Variants in UGCG observed in about 807,000 individuals in gnomAD.
UGCG encodes ceramide glucosyltransferase.
Under a neutral mutation model 49.5 loss-of-function variants are expected in UGCG, and 10 were observed. The ratio of observed to expected loss-of-function variants is 0.20; its 90% CI spans 0.12 to 0.34. UGCG has a LOEUF of 0.34. Ranked by LOEUF, UGCG falls within the 10% of genes least tolerant of loss-of-function variation. The probability of loss-of-function intolerance (pLI) is 1.00; values close to 1 mark genes in which losing one functional copy is unlikely to be tolerated. For synonymous variants in UGCG, 182 were observed against 158.2 expected, an observed-to-expected ratio of 1.15 and a Z score of -1.13; for missense variants, 312 against 483.7, an observed-to-expected ratio of 0.65 and a Z score of 3.33.
rs770243256 is a variant in UGCG at position 111,929,492 on chromosome 9, T to C, written c.559-8T>C. ...TCTAATCATACACGTTTGTGGTTTT[T>C]TGGGCAGGTATATTTTGGAACTTCA... is the stretch of plus-strand genomic sequence containing the variant. On this transcript the variant is annotated splice_region_variant and splice_polypyrimidine_tract_variant and intron_variant, in intron 5 of 8. Transcript: ENST00000374279. 2.2e-5 allele frequency: 35 copies of C among 1,604,296 alleles called. No homozygotes were observed. Among genetic ancestry groups the C allele is most frequent in the Non-Finnish European group, 2.6e-5 (30 of 1,175,156 alleles).
chr9:111,931,373 T>C lies in UGCG; in HGVS notation c.824+16T>C. On this transcript the variant is annotated intron_variant, in intron 7 of 8. Transcript: ENST00000374279. ...GAATGATCAGGTAAATCAACTGTTT[T>C]CTTTTTATACTTCGTTAAAAGGAAA... The C allele has an allele frequency of 6.2e-7, 1 of 1,611,894 alleles. No individual in the cohort carries two copies. Among genetic ancestry groups the C allele is most frequent in the Non-Finnish European group, 8.5e-7 (1 of 1,179,244 alleles).
chr9:111,929,758 A>C, intron 6 of UGCG, 80 bp downstream of exon 6: 1 of 1,493,224 alleles, frequency 6.7e-7, no homozygotes, highest in Non-Finnish European at 9.1e-7. Context: ...CCTATAGATT[A>C]GGGCTTTTTA....
chr9:111,902,750 T>C (rs546400245), intron 1 of UGCG, among the ~76,000 whole-genome samples: 2 of 152,218 alleles, frequency 1.3e-5, no homozygotes, highest in East Asian at 3.9e-4. Flanking sequence ...GGAATTCATA[T>C]TCTTCCTTAG....
At chr9:111,922,188 G>A (rs1838239993) in intron 2 of UGCG, among the ~76,000 whole-genome samples, 2 of 152,022 alleles carry the variant, frequency 1.3e-5, no homozygotes, top group Admixed American at 6.6e-5. Flanking sequence ...TCTAAACATA[G>A]CACTGGGCAA....
intron 1 of UGCG, among the ~76,000 whole-genome samples, chr9:111,900,040 G>C (rs1468967096): frequency 6.6e-6 from 1 of 151,996 alleles, no homozygotes; most frequent in African/African-American, 2.4e-5. Context: ...AAATTCAAGA[G>C]TCTTATTGTT....
chr9:111,906,508 C>T (rs1042340255), intron 1 of UGCG, among the ~76,000 whole-genome samples: 9 of 152,212 alleles, frequency 5.9e-5, no homozygotes, highest in African/African-American at 1.9e-4. Flanking sequence ...CGGCTCACCA[C>T]AACCTCTGCC....
chr9:111,921,612 C>T (rs1177577900), intron 2 of UGCG, among the ~76,000 whole-genome samples: 2 of 149,018 alleles, frequency 1.3e-5, no homozygotes, highest in Non-Finnish European at 3.0e-5. Context: ...GATCATGCCA[C>T]TGCACTCCAA....
At chr9:111,923,232 C>G (rs569804337) in intron 3 of UGCG, among the ~76,000 whole-genome samples, 1 of 151,838 alleles carries the variant, frequency 6.6e-6, no homozygotes, top group South Asian at 2.1e-4. Flanking sequence ...AATGTGTGGC[C>G]TTTTCTGTAT....
intron 2 of UGCG, 105 bp from the exon 3 acceptor site, chr9:111,922,744 A>T: frequency 1.5e-6 from 1 of 672,548 alleles, no homozygotes. Context: ...AACTTTGCAT[A>T]ATACAGTTGC....
chr9:111,902,456 G>A (rs1837793864), intron 1 of UGCG, among the ~76,000 whole-genome samples: 3 of 152,158 alleles, frequency 2.0e-5, no homozygotes, highest in Non-Finnish European at 4.4e-5. Flanking sequence ...GTAGTAAATT[G>A]GTCATGATAT....
At chr9:111,930,576 T>G (rs909846123) in intron 6 of UGCG, among the ~76,000 whole-genome samples, 17 of 151,436 alleles carry the variant, frequency 1.1e-4, no homozygotes, top group African/African-American at 4.1e-4. Flanking sequence ...CAAACGATTC[T>G]CCTGCCTCAG....
rs545339383 is a variant in UGCG, at chr9:111,918,781, T to C, written c.240+4035T>C. On this transcript the variant is annotated intron_variant, in intron 2 of 8. Coordinates refer to ENST00000374279, the MANE Select transcript of UGCG (RefSeq NM_003358.3). ...CTAAAAATACAAAAAAAAAATTAGCTGGGCGCAGTGGCGGGTGCCTGTAGT... is the reference window on the plus strand; with the variant it reads ...CTAAAAATACAAAAAAAAAATTAGCCGGGCGCAGTGGCGGGTGCCTGTAGT... Among the ~76,000 whole-genome samples the C allele has an allele frequency of 3.9e-3, 599 of 151,856 alleles. 2 individuals are homozygous for C. The highest frequency in any genetic ancestry group is 0.013 in the African/African-American group (542 of 41,412).
rs1056512499 is a variant in UGCG, at chr9:111,919,575, A to T, written c.241-3274A>T. Among the ~76,000 whole-genome samples, 4 of 152,142 alleles carry T rather than the reference A, an allele frequency of 2.6e-5. No homozygotes were observed. The South Asian group carries it at 8.3e-4, about 32-fold the overall frequency. ...GGGAGGCCGAGGCAGGCAGATCACG[A>T]GGTCAGGAGATTGAGACCATCCTGG... is the stretch of plus-strand genomic sequence containing the variant. On this transcript the variant is annotated intron_variant, in intron 2 of 8. Transcript: ENST00000374279.
In UGCG at chr9:111,929,634, GTA is replaced by G. The variant is rs2118598605; in HGVS notation, c.694_695del (p.Tyr232HisfsTer13). On this transcript the variant is annotated frameshift_variant, in exon 6 of 9. Transcript: ENST00000374279. LOFTEE classifies it high-confidence loss of function. ...CAGGAGGACTTATAGCTTTTGCTCA[GTA>G]CATTGCCGAAGATTACTTTATGGCC... ...QAGGLIAFAQ[Y>X]IAEDYFMAKA... 1 of 1,613,936 alleles carries G rather than the reference GTA, an allele frequency of 6.2e-7. No individual in the cohort carries two copies. The highest frequency in any genetic ancestry group is 1.3e-5 in the African/African-American group (1 of 75,042).
chr9:111,897,360 C>T (rs766295742), intron 1 of UGCG, 47 bp downstream of exon 1: 2 of 1,474,372 alleles, frequency 1.4e-6, no homozygotes, highest in South Asian at 1.2e-5. Flanking sequence ...GTCCGGGCCT[C>T]GGAGACAGGC....
At chr9:111,927,730 C>T (rs141312369) in intron 5 of UGCG, among the ~76,000 whole-genome samples, 16,209 of 152,220 alleles carry the variant, frequency 0.11, 1,276 homozygotes, top group East Asian at 0.33. Context: ...GGATTACAGG[C>T]GTGAGCCACC....
intron 2 of UGCG, among the ~76,000 whole-genome samples, chr9:111,917,525 TG>T (rs1838132076): frequency 6.6e-6 from 1 of 152,238 alleles, no homozygotes; most frequent in Non-Finnish European, 1.5e-5. Flanking sequence ...AGTATGGAAA[TG>T]TTTTCATTTT....
intron 5 of UGCG, among the ~76,000 whole-genome samples, chr9:111,927,946 G>A (rs1438288565): frequency 6.6e-6 from 1 of 151,630 alleles, no homozygotes. Flanking sequence ...AATTTTTATT[G>A]GCTGTATCAT....
chr9:111,907,719 G>A (rs962147511), intron 1 of UGCG, among the ~76,000 whole-genome samples: 7 of 151,582 alleles, frequency 4.6e-5, no homozygotes, highest in African/African-American at 1.7e-4. Context: ...CCGCCTCCCG[G>A]ATTCAAGTGA....
Sources: allele counts gnomAD v4.1 joint callset (sites outside exome capture counted in the v4.1 genomes callset), GRCh38; gene constraint gnomAD v4.1.1; transcripts MANE v1.5; gene names NCBI Gene and HGNC (gene_info 2026-07-23, HGNC 2026-07-21).